CDH18: variants seen among roughly 807,000 people sequenced by gnomAD.
CDH18 encodes cadherin-18.
A neutral mutation model predicts 67.9 loss-of-function variants in CDH18; 31 were observed. The observed-to-expected ratio is 0.46, with a 90% CI of 0.34 to 0.62. The LOEUF (loss-of-function observed/expected upper bound fraction) is 0.62, where lower values mean the gene tolerates loss of function less well. Ranked by LOEUF, CDH18 falls within the 20% of genes least tolerant of loss-of-function variation. CDH18 has a pLI of 0.01. For synonymous variants in CDH18, 362 were observed against 347.2 expected, an observed-to-expected ratio of 1.04 and a Z score of -0.48; for missense variants, 890 against 975.5, an observed-to-expected ratio of 0.91 and a Z score of 1.17.
intron 1 of CDH18, among the ~76,000 whole-genome samples, chr5:20,267,898 C>T (rs576144728): frequency 2.2e-4 from 33 of 152,170 alleles, no homozygotes; most frequent in African/African-American, 7.2e-4. Flanking sequence ...GTTGCATCAC[C>T]CAGGTAGTGA....
intron 1 of CDH18, among the ~76,000 whole-genome samples, chr5:20,377,779 GA>G (rs1370515664): frequency 6.6e-6 from 1 of 152,170 alleles, no homozygotes; most frequent in East Asian, 1.9e-4. Context: ...AATTAAAAAT[GA>G]GTACAATTAC....
intron 1 of CDH18, among the ~76,000 whole-genome samples, chr5:20,488,230 A>G (rs1477421676): frequency 1.3e-5 from 2 of 152,206 alleles, no homozygotes; most frequent in African/African-American, 4.8e-5. Flanking sequence ...CATATGCATC[A>G]CTTGTAATTT....
At chr5:20,232,451 G>C (rs1174754731) in intron 2 of CDH18, among the ~76,000 whole-genome samples, 1 of 152,046 alleles carries the variant, frequency 6.6e-6, no homozygotes, top group Non-Finnish European at 1.5e-5. Flanking sequence ...CAGTTATTAG[G>C]CTTTGTCAAA....
At chr5:19,679,473 G>T (rs1160978000) in intron 5 of CDH18, among the ~76,000 whole-genome samples, 1 of 151,932 alleles carries the variant, frequency 6.6e-6, no homozygotes, top group East Asian at 1.9e-4. Context: ...GAAAGAGAAA[G>T]AAATAAAAGA....
At chr5:20,095,347 GAAAGAAAGAAAGAAAA>G (rs1187342475) in intron 2 of CDH18, among the ~76,000 whole-genome samples, 5 of 63,946 alleles carry the variant, frequency 7.8e-5, no homozygotes, top group South Asian at 5.8e-4. Context: ...AAGAAAGAAA[GAAAGAAAGAAAGAAAA>G]GACAGAAGAA....
chr5:19,478,679 G>A (rs1344834502), intron 12 of CDH18: 2 of 152,142 alleles, frequency 1.3e-5, no homozygotes, highest in African/African-American at 2.4e-5. Flanking sequence ...GGACTGAAAG[G>A]GTAGCTGGAA....
At chr5:19,999,431 T>C (rs531295980) in intron 2 of CDH18, among the ~76,000 whole-genome samples, 8 of 152,214 alleles carry the variant, frequency 5.3e-5, no homozygotes, top group African/African-American at 1.4e-4. Flanking sequence ...GGTGAAATTC[T>C]GTTTCTACTA....
At chr5:20,252,420 A>G (rs1743929477) in intron 2 of CDH18, among the ~76,000 whole-genome samples, 4 of 152,106 alleles carry the variant, frequency 2.6e-5, no homozygotes, top group Admixed American at 2.6e-4. Context: ...TCAACTATCA[A>G]TTTATATTTT....
Position 20,124,895 on chromosome 5 carries a change from T to A in CDH18, c.-518+130549A>T, listed in dbSNP as rs35124333. 9.2e-3 allele frequency among the ~76,000 whole-genome samples: 1,407 copies of A among 152,252 alleles called. 7 individuals are homozygous for A. The highest frequency in any genetic ancestry group is 0.015 in the Non-Finnish European group (988 of 68,004). ...TACATGACTTAAAGAAGTATTAGAT[T>A]GGTTTGAAATACTAGATAAGGAATT... is the stretch of plus-strand genomic sequence containing the variant. On this transcript the variant is annotated intron_variant, in intron 2 of 14. Transcript: ENST00000507958.
chr5:20,278,836 G>T (rs1191157768), intron 1 of CDH18, among the ~76,000 whole-genome samples: 1 of 152,032 alleles, frequency 6.6e-6, no homozygotes, highest in Non-Finnish European at 1.5e-5. Context: ...TGGGTTATAA[G>T]ATATTGTTTG....
chr5:20,217,259 G>A (rs929959005), intron 2 of CDH18, among the ~76,000 whole-genome samples: 1 of 151,900 alleles, frequency 6.6e-6, no homozygotes, highest in African/African-American at 2.4e-5. Flanking sequence ...TGTAATTGTG[G>A]TGTATCTTGA....
At chr5:20,299,602 T>C (rs774332288) in intron 1 of CDH18, among the ~76,000 whole-genome samples, 7 of 151,546 alleles carry the variant, frequency 4.6e-5, no homozygotes, top group Non-Finnish European at 7.4e-5. Context: ...CTACTAAAAA[T>C]ACAAAAATTA....
intron 2 of CDH18, among the ~76,000 whole-genome samples, chr5:20,247,329 G>A (rs1308490835): frequency 2.0e-5 from 3 of 152,104 alleles, no homozygotes; most frequent in Non-Finnish European, 4.4e-5. Context: ...AACTAGCCTT[G>A]GGGGAAGGCA....
intron 2 of CDH18, among the ~76,000 whole-genome samples, chr5:19,858,542 T>C (rs933998568): frequency 8.5e-5 from 13 of 152,200 alleles, no homozygotes; most frequent in African/African-American, 1.2e-4. Flanking sequence ...TTTTTCCTCA[T>C]GGGTATTGTA....
chr5:19,958,019 G>T (rs1579799247), intron 2 of CDH18, among the ~76,000 whole-genome samples: 1 of 151,856 alleles, frequency 6.6e-6, no homozygotes, highest in East Asian at 1.9e-4. Context: ...TCTCTTCTTT[G>T]TTGGCTCACA....
intron 1 of CDH18, among the ~76,000 whole-genome samples, chr5:20,517,965 A>G (rs1326506483): frequency 6.6e-6 from 1 of 152,090 alleles, no homozygotes; most frequent in East Asian, 1.9e-4. Context: ...TTCTAAATCT[A>G]TATCACAAAA....
chr5:19,938,449 C>T (rs1352133143), intron 2 of CDH18, among the ~76,000 whole-genome samples: 1 of 151,474 alleles, frequency 6.6e-6, no homozygotes, highest in East Asian at 1.9e-4. Flanking sequence ...ATAAAATGCA[C>T]TCCATAACCC....
At position 20,295,872 on chromosome 5, in the gene CDH18, C is replaced by CTTTTTTTTTTT. The variant is rs35024141; in HGVS notation, c.-579-40378_-579-40368dup. Among the ~76,000 whole-genome samples the CTTTTTTTTTTT allele has an allele frequency of 4.0e-4, 44 of 109,980 alleles. 1 individual carries two copies. Among genetic ancestry groups the CTTTTTTTTTTT allele is most frequent in the Admixed American group, 7.7e-4 (7 of 9,148 alleles). The allele number at this position is 109,980 out of a possible 152,430, so 72.2% of individuals were successfully genotyped here. A position where few individuals can be genotyped will look rare whatever the true frequency, so the allele number is the denominator to read the frequency against. The stretch of plus-strand genomic sequence containing the variant: ...TTATTTTATTTTCTTTCTTTTTTTT[C>CTTTTTTTTTTT]TTTTTTTTTTTTTTTTGAGACGGAG... On this transcript the variant is annotated intron_variant, in intron 1 of 14. Coordinates refer to the CDH18 transcript ENST00000507958.
chr5:20,401,345 TATTA>T (rs1745757162), intron 1 of CDH18, among the ~76,000 whole-genome samples: 1 of 152,200 alleles, frequency 6.6e-6, no homozygotes. Flanking sequence ...AAGATACGTG[TATTA>T]ATTACAGTCA....
Sources: allele counts gnomAD v4.1 joint callset (sites outside exome capture counted in the v4.1 genomes callset), GRCh38; gene constraint gnomAD v4.1.1; transcripts MANE v1.5; gene names NCBI Gene and HGNC (gene_info 2026-07-23, HGNC 2026-07-21).